Variants in RASEF observed in about 807,000 individuals in gnomAD.
RASEF encodes ras and EF-hand domain-containing protein.
RASEF carries 68 observed loss-of-function variants against 90.1 expected under a neutral mutation model. The ratio of observed to expected loss-of-function variants is 0.75; its 90% CI spans 0.62 to 0.92. The LOEUF (loss-of-function observed/expected upper bound fraction) is 0.92. Ranked by LOEUF, RASEF falls within the 40% of genes least tolerant of loss-of-function variation. The pLI is 0.00. For synonymous variants in RASEF, 331 were observed against 345.2 expected (o/e 0.96, Z 0.46); for missense variants, 949 against 937.2 (o/e 1.01, Z -0.16).
At chr9:83,048,187 C>T (rs1004687215) in intron 1 of RASEF, 120 of 985,214 alleles carry the variant, frequency 1.2e-4, no homozygotes, top group Non-Finnish European at 1.3e-4. Flanking sequence ...GTAGTAAGAG[C>T]GGAAGGAGCT....
At chr9:83,118,610 G>A in the RASEF span, among the ~76,000 whole-genome samples, 1 of 152,106 alleles carries the variant, frequency 6.6e-6, no homozygotes, top group Non-Finnish European at 1.5e-5. Flanking sequence ...GGATATGGCT[G>A]CATGAAGGAT....
the RASEF span, among the ~76,000 whole-genome samples, chr9:83,219,056 G>A: frequency 4.6e-5 from 7 of 152,078 alleles, no homozygotes; most frequent in African/African-American, 9.7e-5. Context: ...TCTACCCACC[G>A]AACCAAACAA....
chr9:83,004,300 T>C (rs968152009), intron 9 of RASEF, among the ~76,000 whole-genome samples, 198 bp downstream of exon 9: 16 of 152,194 alleles, frequency 1.1e-4, no homozygotes, highest in Admixed American at 8.5e-4. Context: ...ACTCATAACA[T>C]CTTCAGGAAA....
chr9:83,167,958 C>A, the RASEF span, among the ~76,000 whole-genome samples: 24 of 152,196 alleles, frequency 1.6e-4, no homozygotes, highest in Non-Finnish European at 3.4e-4. Context: ...AAGAATAATG[C>A]CTCAATGGAC....
intron 14 of RASEF, 141 bp from the exon 15 acceptor site, chr9:82,993,166 C>T (rs1828847060): frequency 1.3e-6 from 1 of 772,136 alleles, no homozygotes; most frequent in Middle Eastern, 2.4e-4. Flanking sequence ...CTTTAAACCT[C>T]AAAGTATCTC....
chr9:83,000,570 C>T lies in RASEF; in HGVS notation c.1438G>A (p.Val480Ile), dbSNP rs772674928. 5.1e-6 allele frequency: 8 copies of T among 1,581,706 alleles called. No homozygotes were observed. Among genetic ancestry groups the T allele is most frequent in the African/African-American group, 1.4e-5 (1 of 72,890 alleles). ...SFGGDASDTDVPDIRDEETFG... is the reference protein window; with the variant it reads ...SFGGDASDTDIPDIRDEETFG... The stretch of plus-strand genomic sequence containing the variant: ...GTCTCTTCATCCCTTATGTCAGGAA[C>T]CTATTTTTTTTAAAATGTCAGCAGT... Residue 480 changes from valine to isoleucine, a missense_variant and splice_region_variant, in exon 11 of 17, where the codon GTT becomes ATT. By Grantham distance (29) the Val-to-Ile change is conservative. This residue lies in a region of RASEF where 288 missense variants were observed against 328.4 expected (regional missense o/e 0.88). Transcript: ENST00000376447.
chr9:83,085,099 T>C, the RASEF span, among the ~76,000 whole-genome samples: 2 of 152,116 alleles, frequency 1.3e-5, no homozygotes, highest in African/African-American at 4.8e-5. Flanking sequence ...TACAAGAACA[T>C]CATTCAATGT....
At chr9:83,056,468 G>T (rs1055221026) in intron 1 of RASEF, among the ~76,000 whole-genome samples, 1 of 152,186 alleles carries the variant, frequency 6.6e-6, no homozygotes, top group Non-Finnish European at 1.5e-5. Context: ...CATGAAGCAA[G>T]AAGGCATACT....
At chr9:83,159,810 A>G in the RASEF span, among the ~76,000 whole-genome samples, 4 of 152,230 alleles carry the variant, frequency 2.6e-5, no homozygotes, top group Non-Finnish European at 2.9e-5. Context: ...CTTGAATTGT[A>G]ACTCCCTCGT....
the RASEF span, among the ~76,000 whole-genome samples, chr9:83,070,421 T>C: frequency 6.6e-6 from 1 of 152,290 alleles, no homozygotes; most frequent in Admixed American, 6.5e-5. Flanking sequence ...AGAAATCAAA[T>C]GACTACATAT....
the RASEF span, among the ~76,000 whole-genome samples, chr9:83,206,884 C>T: frequency 2.6e-3 from 395 of 152,222 alleles, no homozygotes; most frequent in Non-Finnish European, 4.8e-3. Flanking sequence ...TGGGGATGGG[C>T]GCTCCCCTCA....
the RASEF span, among the ~76,000 whole-genome samples, chr9:83,144,593 G>A: frequency 2.6e-5 from 4 of 152,082 alleles, no homozygotes; most frequent in Non-Finnish European, 5.9e-5. Flanking sequence ...GATAGGACTG[G>A]TGGTGGGTAT....
the RASEF span, among the ~76,000 whole-genome samples, chr9:83,180,344 A>G: frequency 2.0e-5 from 3 of 152,202 alleles, no homozygotes; most frequent in East Asian, 5.8e-4. Flanking sequence ...AGAAGCAAGC[A>G]TATGGTAAAA....
chr9:83,114,566 C>T, the RASEF span, among the ~76,000 whole-genome samples: 23 of 152,272 alleles, frequency 1.5e-4, no homozygotes, highest in East Asian at 1.3e-3. Context: ...GGAAAAATAT[C>T]GCTGACTTCT....
chr9:83,159,607 T>G, the RASEF span, among the ~76,000 whole-genome samples: 1 of 152,206 alleles, frequency 6.6e-6, no homozygotes. Context: ...TTTATGGAGC[T>G]CCTATCTTTT....
intron 1 of RASEF, among the ~76,000 whole-genome samples, chr9:83,058,353 T>G (rs973397090): frequency 1.3e-5 from 2 of 150,620 alleles, no homozygotes; most frequent in East Asian, 3.9e-4. Context: ...CGGCTAATTT[T>G]TTGTATTTTT....
At chr9:83,029,389 C>A (rs114261773) in intron 1 of RASEF, among the ~76,000 whole-genome samples, 2,664 of 150,156 alleles carry the variant, frequency 0.018, 35 homozygotes, top group South Asian at 0.075. Flanking sequence ...CCCAGACTTG[C>A]CTTCTTTTTT....
chr9:83,036,728 G>GAAA (rs1356397108), intron 1 of RASEF, among the ~76,000 whole-genome samples: 1 of 152,102 alleles, frequency 6.6e-6, no homozygotes, highest in Non-Finnish European at 1.5e-5. Context: ...GGACTTTAGG[G>GAAA]AAAAACTGAG....
At position 83,031,518 on chromosome 9, in the gene RASEF, G is replaced by A. The variant is rs140026236; in HGVS notation, c.432-5597C>T. On this transcript the variant is annotated intron_variant, in intron 1 of 16. Transcript: ENST00000376447. ...CTGAGGAGGAGACTTAGGCAAGTAC[G>A]TCCCTTTAGCAGAGCTAGGATTCCC... 1.8e-4 allele frequency among the ~76,000 whole-genome samples: 27 copies of A among 152,246 alleles called. No homozygotes were observed. In the East Asian group the frequency reaches 3.3e-3, roughly 19 times the overall value.
Sources: gnomAD v4.1 joint callset for allele counts (sites outside exome capture counted in the v4.1 genomes callset) on GRCh38, gnomAD v4.1.1 for gene constraint, gnomAD v4.1.1 regional missense constraint, MANE v1.5 for transcripts, NCBI Gene and HGNC (gene_info 2026-07-23, HGNC 2026-07-21) for gene names.